DCLK1: variants seen among roughly 807,000 people sequenced by gnomAD.
DCLK1 encodes the protein serine/threonine-protein kinase DCLK1.
Under a neutral mutation model 86.2 loss-of-function variants are expected in DCLK1, and 16 were observed. That is an observed-to-expected ratio of 0.19 (90% CI 0.13 to 0.28). The LOEUF (loss-of-function observed/expected upper bound fraction) is 0.28. Ranked by LOEUF, DCLK1 falls within the 10% of genes least tolerant of loss-of-function variation. The pLI is 1.00. For missense variants in DCLK1, 590 were observed against 940.2 expected (o/e 0.63, Z 4.87); for synonymous variants, 369 against 370.5 (o/e 1.00, Z 0.05).
intron 2 of DCLK1, among the ~76,000 whole-genome samples, chr13:36,120,265 A>G (rs9593801): frequency 0.27 from 40,574 of 152,120 alleles, 5,506 homozygotes; most frequent in African/African-American, 0.3. Flanking sequence ...GGCAAAAAAC[A>G]CAATAAATGA....
intron 6 of DCLK1, among the ~76,000 whole-genome samples, chr13:35,853,793 C>T (rs992005377): frequency 2.6e-5 from 4 of 152,144 alleles, no homozygotes; most frequent in African/African-American, 9.7e-5. Context: ...TGTACCTCCC[C>T]CTTTGCCCCC....
intron 2 of DCLK1, among the ~76,000 whole-genome samples, chr13:36,113,340 T>C (rs1228046856): frequency 6.6e-6 from 1 of 152,196 alleles, no homozygotes; most frequent in African/African-American, 2.4e-5. Flanking sequence ...TTTGCAGATG[T>C]TCTTAAAATA....
At chr13:35,801,053 A>G (rs372669120) in intron 15 of DCLK1, among the ~76,000 whole-genome samples, 1 of 152,164 alleles carries the variant, frequency 6.6e-6, no homozygotes, top group African/African-American at 2.4e-5. Flanking sequence ...CAAGTATGCC[A>G]AGTAAAAAAG....
chr13:36,054,689 A>G (rs1056612424), intron 3 of DCLK1, among the ~76,000 whole-genome samples: 4 of 152,166 alleles, frequency 2.6e-5, no homozygotes, highest in African/African-American at 9.6e-5. Context: ...GGTAAATGTG[A>G]GCAGAGACCT....
chr13:36,007,073 G>A (rs993537830), intron 3 of DCLK1, among the ~76,000 whole-genome samples: 2 of 152,304 alleles, frequency 1.3e-5, no homozygotes, highest in East Asian at 3.9e-4. Context: ...GTGCATGCGA[G>A]GAGAGTGTGC....
At chr13:36,092,631 C>T (rs906316330) in intron 3 of DCLK1, among the ~76,000 whole-genome samples, 3 of 150,376 alleles carry the variant, frequency 2.0e-5, no homozygotes, top group South Asian at 2.1e-4. Flanking sequence ...GGACTACAGG[C>T]GCCCGCCACC....
chr13:35,858,580 C>T (rs1050228544), intron 5 of DCLK1, among the ~76,000 whole-genome samples: 1 of 152,206 alleles, frequency 6.6e-6, no homozygotes, highest in African/African-American at 2.4e-5. Context: ...CTCCTAGCAT[C>T]TGCAGGGCTG....
intron 3 of DCLK1, among the ~76,000 whole-genome samples, chr13:36,022,718 T>G (rs1250079246): frequency 1.3e-5 from 2 of 152,006 alleles, no homozygotes; most frequent in African/African-American, 4.8e-5. Flanking sequence ...AAGTAAAAAA[T>G]CTAATTAGAC....
At chr13:35,902,591 G>A (rs1874435102) in intron 4 of DCLK1, among the ~76,000 whole-genome samples, 1 of 152,316 alleles carries the variant, frequency 6.6e-6, no homozygotes, top group Non-Finnish European at 1.5e-5. Context: ...GTAAGCCTGG[G>A]GGATGAGGGG....
At chr13:35,829,812 C>A (rs188122584) in intron 8 of DCLK1, among the ~76,000 whole-genome samples, 1 of 152,182 alleles carries the variant, frequency 6.6e-6, no homozygotes. Flanking sequence ...GGGCTCCCCT[C>A]CTGCAGATAT....
In DCLK1 at chr13:35,771,106, A is replaced by C. The variant is rs1181001068; in HGVS notation, c.*3429T>G. The stretch of plus-strand genomic sequence containing the variant: ...TAGTGGACGCCCTTGGCCAGTAAAC[A>C]ACCATGATTTAATGTGCTTGAGACT... On this transcript the variant is annotated 3_prime_UTR_variant, in exon 17 of 17. Transcript: ENST00000360631. 6.6e-6 allele frequency: 1 copy of C among 152,212 alleles called. No individual in the cohort carries two copies. 9.4% of individuals were successfully genotyped at this position (152,212 alleles called of 1,614,324 possible).
intron 4 of DCLK1, among the ~76,000 whole-genome samples, chr13:35,884,438 T>C (rs1873105270): frequency 6.6e-6 from 1 of 151,970 alleles, no homozygotes; most frequent in Non-Finnish European, 1.5e-5. Flanking sequence ...ACGGGGAGGA[T>C]CTGAAAGCTA....
At chr13:35,941,777 A>G (rs1877097588) in intron 4 of DCLK1, among the ~76,000 whole-genome samples, 1 of 152,204 alleles carries the variant, frequency 6.6e-6, no homozygotes, top group Non-Finnish European at 1.5e-5. Context: ...TTAAATTTTA[A>G]TGTTTTGTTT....
chr13:36,039,905 A>T (rs1167619649), intron 3 of DCLK1, among the ~76,000 whole-genome samples: 1 of 151,868 alleles, frequency 6.6e-6, no homozygotes, highest in African/African-American at 2.4e-5. Flanking sequence ...AATACAGACA[A>T]CTTTTCTTTT....
intron 3 of DCLK1, among the ~76,000 whole-genome samples, chr13:35,961,737 A>C (rs932026582): frequency 1.3e-5 from 2 of 152,214 alleles, no homozygotes; most frequent in African/African-American, 2.4e-5. Context: ...TACCACAATC[A>C]ACAGCAATTT....
At chr13:36,131,727 G>GC (rs1886367524), upstream of DCLK1, among the ~76,000 whole-genome samples, 2 of 152,202 alleles carry the variant, frequency 1.3e-5, no homozygotes, top group South Asian at 4.1e-4. Flanking sequence ...GAGAGATGAG[G>GC]CCCCCACCGT....
chr13:35,829,023 C>T (rs1039095997), intron 8 of DCLK1, among the ~76,000 whole-genome samples: 2 of 152,040 alleles, frequency 1.3e-5, no homozygotes, highest in Non-Finnish European at 2.9e-5. Context: ...CCTGGGGACC[C>T]CTGGGCCCTT....
At chr13:35,935,262 T>C (rs1809759381) in intron 4 of DCLK1, among the ~76,000 whole-genome samples, 1 of 152,186 alleles carries the variant, frequency 6.6e-6, no homozygotes, top group Admixed American at 6.5e-5. Flanking sequence ...TGCCCTAGAA[T>C]AGCATGCCAA....
chr13:35,913,144 TGAAACGGTCCTG>T (rs1875149198), intron 4 of DCLK1, among the ~76,000 whole-genome samples: 1 of 152,186 alleles, frequency 6.6e-6, no homozygotes, highest in Non-Finnish European at 1.5e-5. Flanking sequence ...CAGCTTGATG[TGAAACGGTCCTG>T]GAATACAGCC....
Sources: allele counts gnomAD v4.1 joint callset (sites outside exome capture counted in the v4.1 genomes callset), GRCh38; gene constraint gnomAD v4.1.1; transcripts MANE v1.5; gene names NCBI Gene and HGNC (gene_info 2026-07-23, HGNC 2026-07-21).